The following MAGI1 variants were observed in gnomAD, a reference collection of about 807,000 sequenced individuals.
MAGI1 encodes membrane-associated guanylate kinase, WW and PDZ domain-containing protein 1.
MAGI1 carries 58 observed loss-of-function variants against 139.9 expected under a neutral mutation model. The ratio of observed to expected loss-of-function variants is 0.41; its 90% CI spans 0.34 to 0.52. The LOEUF (loss-of-function observed/expected upper bound fraction) is 0.52, where lower values mean the gene tolerates loss of function less well. Ranked by LOEUF, MAGI1 falls within the 20% of genes least tolerant of loss-of-function variation. MAGI1 has a pLI of 0.12. For synonymous variants in MAGI1, 812 were observed against 737.9 expected (o/e 1.10, Z -1.63); for missense variants, 1,874 against 1,901.6 (o/e 0.99, Z 0.27).
At chr3:65,800,863 G>C (rs995212895) in intron 1 of MAGI1, among the ~76,000 whole-genome samples, 19 of 152,052 alleles carry the variant, frequency 1.2e-4, no homozygotes, top group African/African-American at 3.6e-4. Flanking sequence ...TATTGTTCCT[G>C]TTAGGTTGGT....
intron 1 of MAGI1, among the ~76,000 whole-genome samples, chr3:65,936,907 T>TG (rs2063080477): frequency 7.3e-6 from 1 of 137,368 alleles, no homozygotes; most frequent in Non-Finnish European, 1.6e-5. Flanking sequence ...TCAAAGTTGT[T>TG]GTTGTTGTTG....
In MAGI1 at chr3:65,451,620, G is replaced by A. The variant is rs567319248; in HGVS notation, c.1042+1638C>T. Among the ~76,000 whole-genome samples, 10 of 152,218 alleles carry A rather than the reference G, an allele frequency of 6.6e-5. No individual in the cohort carries two copies. The East Asian group carries it at 1.5e-3, about 24-fold the overall frequency. On this transcript the variant is annotated intron_variant, in intron 6 of 22. Coordinates refer to ENST00000402939, the MANE Select transcript of MAGI1 (RefSeq NM_001033057.2). ...TGAGCATCATGGTGACACTCAGAAA[G>A]TTTTGGATTTTGGAGCCTGTTGTTG...
intron 1 of MAGI1, among the ~76,000 whole-genome samples, chr3:65,952,927 C>T (rs1247182652): frequency 6.6e-6 from 1 of 152,186 alleles, no homozygotes; most frequent in East Asian, 1.9e-4. Flanking sequence ...ATAACACTTA[C>T]CATGTGCAGA....
At chr3:65,887,786 T>C (rs71306786) in intron 1 of MAGI1, among the ~76,000 whole-genome samples, 2,844 of 152,288 alleles carry the variant, frequency 0.019, 42 homozygotes, top group Non-Finnish European at 0.029. Context: ...CAAGACCACA[T>C]GAGGATATGG....
At chr3:65,895,022 TGCTA>T (rs1456761324) in intron 1 of MAGI1, among the ~76,000 whole-genome samples, 2 of 152,048 alleles carry the variant, frequency 1.3e-5, no homozygotes, top group African/African-American at 4.8e-5. Context: ...GAAACGGAGG[TGCTA>T]GCTAATGTTA....
chr3:65,504,802 T>A (rs1470061279), intron 2 of MAGI1, among the ~76,000 whole-genome samples: 3 of 152,170 alleles, frequency 2.0e-5, no homozygotes, highest in South Asian at 2.1e-4. Context: ...CAGAAAACAT[T>A]CCACAGGAAA....
intron 13 of MAGI1, among the ~76,000 whole-genome samples, chr3:65,391,927 T>C (rs1320939472): frequency 1.3e-5 from 2 of 152,226 alleles, no homozygotes; most frequent in African/African-American, 4.8e-5. Context: ...TTACTGGTAT[T>C]TCTAGGTGTA....
chr3:65,570,937 A>G (rs1281719682), intron 2 of MAGI1, among the ~76,000 whole-genome samples: 4 of 152,208 alleles, frequency 2.6e-5, no homozygotes, highest in African/African-American at 9.7e-5. Flanking sequence ...CAATTACCGA[A>G]TAACACTCAA....
chr3:66,026,332 A>T (rs2068259109), intron 1 of MAGI1, among the ~76,000 whole-genome samples: 1 of 152,204 alleles, frequency 6.6e-6, no homozygotes, highest in Non-Finnish European at 1.5e-5. Flanking sequence ...ATAGTTCAAA[A>T]TGCTACAACA....
intron 1 of MAGI1, among the ~76,000 whole-genome samples, chr3:65,626,654 T>A (rs1263564674): frequency 6.6e-6 from 1 of 152,154 alleles, no homozygotes. Flanking sequence ...AAGCTCTTGG[T>A]TTACACCTAA....
At chr3:65,615,799 C>T (rs2222582) in intron 2 of MAGI1, among the ~76,000 whole-genome samples, 51,952 of 152,044 alleles carry the variant, frequency 0.34, 9,770 homozygotes, top group Non-Finnish European at 0.43. Context: ...CACAAAACTC[C>T]TTGCCTGGAC....
intron 1 of MAGI1, among the ~76,000 whole-genome samples, chr3:65,795,880 G>A (rs958619100): frequency 8.6e-5 from 13 of 151,596 alleles, no homozygotes; most frequent in South Asian, 2.1e-4. Context: ...GTGAAACCCC[G>A]TCTCTACTAA....
intron 3 of MAGI1, among the ~76,000 whole-genome samples, chr3:65,492,449 G>C (rs1388745770): frequency 6.6e-6 from 1 of 152,094 alleles, no homozygotes; most frequent in Non-Finnish European, 1.5e-5. Flanking sequence ...AGAGGGAAGT[G>C]GTTAAATAAA....
chr3:65,824,817 A>G (rs2042138196), intron 1 of MAGI1, among the ~76,000 whole-genome samples: 3 of 152,226 alleles, frequency 2.0e-5, no homozygotes, highest in Non-Finnish European at 2.9e-5. Flanking sequence ...GTTATAAGAA[A>G]TATCTCTTTA....
At chr3:65,847,238 C>A (rs960257005) in intron 1 of MAGI1, among the ~76,000 whole-genome samples, 3 of 152,128 alleles carry the variant, frequency 2.0e-5, no homozygotes, top group African/African-American at 7.2e-5. Flanking sequence ...GGATTTAAAG[C>A]TCAAGAATTT....
chr3:66,030,109 C>G (rs956665560), intron 1 of MAGI1, among the ~76,000 whole-genome samples: 1 of 152,188 alleles, frequency 6.6e-6, no homozygotes, highest in Non-Finnish European at 1.5e-5. Context: ...CAAGGACCCA[C>G]ATGTTCTTAC....
Position 65,356,666 on chromosome 3 carries a change from G to T in MAGI1, c.4101C>A (p.Pro1367=), listed in dbSNP as rs772384564. ...RSPTRRRDGS[P]SRRRRSLERL... ...TCTCCAGAGACCGTCTCCGCCGGCT[G>T]GGGGAGCCGTCTCTCCTGCGGGTGG... Residue 1367 remains proline (P), a synonymous_variant, in exon 23 of 23, where the codon CCC becomes CCA. Coordinates refer to ENST00000402939, the MANE Select transcript of MAGI1 (RefSeq NM_001033057.2). 1.3e-6 allele frequency: 2 copies of T among 1,583,834 alleles called. No homozygotes were observed. Among genetic ancestry groups the T allele is most frequent in the Non-Finnish European group, 1.7e-6 (2 of 1,166,476 alleles).
At chr3:65,642,353 C>T (rs1419924614) in intron 1 of MAGI1, among the ~76,000 whole-genome samples, 1 of 152,172 alleles carries the variant, frequency 6.6e-6, no homozygotes, top group Non-Finnish European at 1.5e-5. Flanking sequence ...AGACATTATT[C>T]TGCCACTGGT....
At chr3:65,792,513 A>T (rs1013367549) in intron 1 of MAGI1, among the ~76,000 whole-genome samples, 1 of 151,878 alleles carries the variant, frequency 6.6e-6, no homozygotes, top group East Asian at 1.9e-4. Flanking sequence ...ACAGTTTTTT[A>T]TTAAAACTAA....
Sources: allele counts gnomAD v4.1 joint callset (sites outside exome capture counted in the v4.1 genomes callset), GRCh38; gene constraint gnomAD v4.1.1; transcripts MANE v1.5; gene names NCBI Gene and HGNC (gene_info 2026-07-23, HGNC 2026-07-21).